TG: variants seen among roughly 807,000 people sequenced by gnomAD.
The protein encoded by TG is thyroid hormones.
TG carries 270 observed loss-of-function variants against 324.7 expected under a neutral mutation model. That is an observed-to-expected ratio of 0.83 (90% CI 0.75 to 0.92). The LOEUF (loss-of-function observed/expected upper bound fraction) is 0.92, where lower values mean the gene tolerates loss of function less well. Ranked by LOEUF, TG falls within the 40% of genes least tolerant of loss-of-function variation. The pLI is 0.00. For synonymous variants in TG, 1,401 were observed against 1,327.0 expected, an observed-to-expected ratio of 1.06 and a Z score of -1.21; for missense variants, 3,591 against 3,456.4, an observed-to-expected ratio of 1.04 and a Z score of -0.98.
intron 41 of TG, among the ~76,000 whole-genome samples, chr8:133,067,193 G>A (rs1843157982): frequency 2.6e-5 from 4 of 152,128 alleles, no homozygotes; most frequent in African/African-American, 4.8e-5. Context: ...GCACCTCTCT[G>A]AGTGCGAGGC....
At chr8:133,030,063 G>A (rs778566903) in intron 41 of TG, 40 bp downstream of exon 41, 1 of 1,612,388 alleles carries the variant, frequency 6.2e-7, no homozygotes, top group African/African-American at 1.3e-5. Flanking sequence ...TACTGCAGAT[G>A]CGGCTGGGGG....
At chr8:132,981,505 A>G (rs1216757397) in intron 34 of TG, among the ~76,000 whole-genome samples, 1 of 152,234 alleles carries the variant, frequency 6.6e-6, no homozygotes, top group Non-Finnish European at 1.5e-5. Flanking sequence ...GACATTTTAA[A>G]CAAGTGACAA....
At position 133,024,111 on chromosome 8, in the gene TG, G is replaced by A. The variant is rs78946705; in HGVS notation, c.7036+1961G>A. 9.8e-5 allele frequency among the ~76,000 whole-genome samples: 15 copies of A among 152,356 alleles called. No individual in the cohort carries two copies. The East Asian group carries it at 2.5e-3, about 25-fold the overall frequency. On this transcript the variant is annotated intron_variant, in intron 40 of 47. Transcript: ENST00000220616. The stretch of plus-strand genomic sequence containing the variant: ...GCAGCCATTTCACAGATGGGTCAGC[G>A]GAGCTCAGTGAGGCTGAGGAATGTT...
At chr8:132,984,291 T>C (rs1831258255) in intron 35 of TG, among the ~76,000 whole-genome samples, 1 of 152,244 alleles carries the variant, frequency 6.6e-6, no homozygotes, top group African/African-American at 2.4e-5. Flanking sequence ...ACCAGGGCTG[T>C]GGCTAAAAGT....
At chr8:133,064,739 A>G (rs888784239) in intron 41 of TG, among the ~76,000 whole-genome samples, 2 of 152,124 alleles carry the variant, frequency 1.3e-5, no homozygotes, top group Non-Finnish European at 2.9e-5. Flanking sequence ...GGGTCCTTTC[A>G]TTGTGTGCTC....
chr8:132,987,894 C>T (rs1017798979), intron 35 of TG, among the ~76,000 whole-genome samples: 1 of 152,112 alleles, frequency 6.6e-6, no homozygotes, highest in South Asian at 2.1e-4. Flanking sequence ...TTCTCTAGAG[C>T]AACAGAAATG....
At chr8:133,054,296 G>A (rs1043714358) in intron 41 of TG, among the ~76,000 whole-genome samples, 1 of 152,184 alleles carries the variant, frequency 6.6e-6, no homozygotes, top group African/African-American at 2.4e-5. Context: ...AACAAATTAA[G>A]TGAAGACATA....
At chr8:133,027,075 C>T (rs534261094) in intron 40 of TG, among the ~76,000 whole-genome samples, 1 of 152,172 alleles carries the variant, frequency 6.6e-6, no homozygotes, top group African/African-American at 2.4e-5. Context: ...GGGACTGCAG[C>T]CGGCTGGTGT....
chr8:132,943,371 T>C (rs1824741993), intron 26 of TG, among the ~76,000 whole-genome samples: 1 of 152,180 alleles, frequency 6.6e-6, no homozygotes, highest in Non-Finnish European at 1.5e-5. Context: ...AATGTAAGCT[T>C]CCTGAGGCCT....
chr8:132,986,355 A>T (rs1831525818), intron 35 of TG, among the ~76,000 whole-genome samples: 1 of 141,028 alleles, frequency 7.1e-6, no homozygotes, highest in South Asian at 2.1e-4. Flanking sequence ...ATATATGTAT[A>T]TATGTGTATA....
chr8:133,011,519 A>G (rs1308142096), intron 35 of TG, among the ~76,000 whole-genome samples: 1 of 152,064 alleles, frequency 6.6e-6, no homozygotes, highest in African/African-American at 2.4e-5. Flanking sequence ...CACATGATTA[A>G]CCTGATATGT....
At chr8:132,875,346 A>G (rs1331278569) in intron 5 of TG, among the ~76,000 whole-genome samples, 1 of 152,246 alleles carries the variant, frequency 6.6e-6, no homozygotes, top group Non-Finnish European at 1.5e-5. Context: ...TGCTTACTAT[A>G]TAATGGGAAT....
intron 5 of TG, among the ~76,000 whole-genome samples, chr8:132,875,477 G>C (rs1489383950): frequency 6.6e-6 from 1 of 152,216 alleles, no homozygotes; most frequent in Non-Finnish European, 1.5e-5. Flanking sequence ...TGCTAGAACT[G>C]TCTGGCTCCT....
At chr8:133,090,552 C>G (rs1847333541) in intron 41 of TG, among the ~76,000 whole-genome samples, 1 of 152,344 alleles carries the variant, frequency 6.6e-6, no homozygotes, top group South Asian at 2.1e-4. Context: ...GACTTGCTCC[C>G]CATCAGCCTA....
At chr8:133,105,859 G>A (rs1011910644) in intron 43 of TG, among the ~76,000 whole-genome samples, 1 of 152,140 alleles carries the variant, frequency 6.6e-6, no homozygotes, top group Non-Finnish European at 1.5e-5. Flanking sequence ...ATGGAGAGGT[G>A]GGGGATGGGG....
At chr8:133,018,100 A>G in intron 38 of TG, 103 bp downstream of exon 38, 2 of 1,128,940 alleles carry the variant, frequency 1.8e-6, no homozygotes, top group East Asian at 2.5e-5. Flanking sequence ...ATTTTGGATA[A>G]AGCAATGTAT....
intron 41 of TG, among the ~76,000 whole-genome samples, chr8:133,070,861 A>C (rs763502282): frequency 2.6e-5 from 4 of 152,252 alleles, no homozygotes; most frequent in Non-Finnish European, 5.9e-5. Flanking sequence ...CTCTCTGGAC[A>C]GTAGTTGTCA....
In TG at chr8:132,897,801, G is replaced by A. The variant is rs371025093; in HGVS notation, c.3139+15G>A. On this transcript the variant is annotated intron_variant, in intron 12 of 47. Transcript: ENST00000220616. ...CGCTGGGACTGGTAAGGAGGGATAG[G>A]CACCTTCAGGTGGCCAAGTGACACC... is the stretch of plus-strand genomic sequence containing the variant. 8 of 1,613,868 alleles carry A rather than the reference G, an allele frequency of 5.0e-6. No individual in the cohort carries two copies. The highest frequency in any genetic ancestry group is 1.7e-4 in the Middle Eastern group (1 of 5,934).
intron 10 of TG, 131 bp from the exon 11 acceptor site, chr8:132,893,559 A>C (rs1236586419): frequency 8.8e-7 from 1 of 1,131,078 alleles, no homozygotes; most frequent in Non-Finnish European, 1.2e-6. Flanking sequence ...GGTGGTGTGT[A>C]TGTGTGTGGT....
Sources: allele counts gnomAD v4.1 joint callset (sites outside exome capture counted in the v4.1 genomes callset), GRCh38; gene constraint gnomAD v4.1.1; transcripts MANE v1.5; gene names NCBI Gene and HGNC (gene_info 2026-07-23, HGNC 2026-07-21).